Variants in GPATCH2L observed in about 807,000 individuals in gnomAD.
The protein encoded by GPATCH2L is G patch domain-containing protein 2-like.
A neutral mutation model predicts 57.4 loss-of-function variants in GPATCH2L; 31 were observed. That is an observed-to-expected ratio of 0.54 (90% CI 0.41 to 0.73). The LOEUF is 0.73. GPATCH2L is among the 30% of genes least tolerant of loss of function. GPATCH2L has a pLI of 0.00. For missense variants in GPATCH2L, 481 were observed against 599.9 expected (o/e 0.80, Z 2.07); for synonymous variants, 199 against 210.7 (o/e 0.94, Z 0.48).
intron 2 of GPATCH2L, among the ~76,000 whole-genome samples, chr14:76,160,395 G>C (rs999569029): frequency 6.6e-6 from 1 of 152,112 alleles, no homozygotes; most frequent in Non-Finnish European, 1.5e-5. Context: ...GGAAATCTTG[G>C]CAATAGGCCA....
intron 8 of GPATCH2L, among the ~76,000 whole-genome samples, chr14:76,183,460 TTTATAGCAAAAAAA>T (rs1566800151): frequency 1.3e-5 from 2 of 152,204 alleles, no homozygotes; most frequent in African/African-American, 4.8e-5. Context: ...CTTACATTTA[TTTATAGCAAAAAAA>T]TTATAGCAAA....
chr14:76,189,103 A>G (rs1264342118), intron 8 of GPATCH2L, among the ~76,000 whole-genome samples: 5 of 151,960 alleles, frequency 3.3e-5, no homozygotes, highest in Non-Finnish European at 7.4e-5. Flanking sequence ...TTCAGTTACT[A>G]TAGCTCTGTA....
intron 2 of GPATCH2L, among the ~76,000 whole-genome samples, chr14:76,157,582 G>A (rs1010733443): frequency 3.3e-5 from 5 of 152,090 alleles, no homozygotes; most frequent in African/African-American, 1.2e-4. Context: ...TTTAGCAGTG[G>A]TATTGAGGGT....
chr14:76,186,102 G>C (rs2139750336), intron 8 of GPATCH2L, among the ~76,000 whole-genome samples: 1 of 152,244 alleles, frequency 6.6e-6, no homozygotes, highest in East Asian at 1.9e-4. Context: ...TGTAGTTACT[G>C]CCCTACCCCA....
At chr14:76,191,779 T>C (rs2139781137) in intron 8 of GPATCH2L, among the ~76,000 whole-genome samples, 1 of 152,266 alleles carries the variant, frequency 6.6e-6, no homozygotes, top group Non-Finnish European at 1.5e-5. Flanking sequence ...ATCATTTCTT[T>C]TTGTTAGAAG....
At chr14:76,175,584 C>G (rs757314391) in intron 5 of GPATCH2L, 2 of 152,134 alleles carry the variant, frequency 1.3e-5, no homozygotes, top group African/African-American at 2.4e-5. Context: ...CATCTTTTCC[C>G]TTGGCCCCCC....
intron 1 of GPATCH2L, among the ~76,000 whole-genome samples, chr14:76,221,276 G>T (rs2040513986): frequency 6.6e-6 from 1 of 152,008 alleles, no homozygotes; most frequent in Admixed American, 6.6e-5. Context: ...ATGCTCATCA[G>T]AATAAAATAA....
chr14:76,220,929 C>G (rs1177699999), intron 1 of GPATCH2L, among the ~76,000 whole-genome samples: 1 of 151,516 alleles, frequency 6.6e-6, no homozygotes, highest in Non-Finnish European at 1.5e-5. Context: ...ATAAAAAAGG[C>G]TAAAAGTCAG....
intron 3 of GPATCH2L, among the ~76,000 whole-genome samples, chr14:76,167,624 G>A (rs8005686): frequency 0.77 from 116,493 of 151,850 alleles, 45,685 homozygotes; most frequent in South Asian, 0.88. Flanking sequence ...TTCATGCCTC[G>A]AAGTTGTAGG....
chr14:76,231,055 A>G (rs1412814405), intron 2 of GPATCH2L, among the ~76,000 whole-genome samples: 1 of 152,206 alleles, frequency 6.6e-6, no homozygotes, highest in Non-Finnish European at 1.5e-5. Flanking sequence ...TGCAAGTCTC[A>G]ACTCATTGCT....
At chr14:76,183,279 T>C (rs1349606426) in intron 8 of GPATCH2L, among the ~76,000 whole-genome samples, 1 of 152,254 alleles carries the variant, frequency 6.6e-6, no homozygotes, top group African/African-American at 2.4e-5. Context: ...TGCTCAGCTC[T>C]AGGGTAATAT....
chr14:76,173,855 T>C, intron 5 of GPATCH2L: 1 of 528,220 alleles, frequency 1.9e-6, no homozygotes, highest in Non-Finnish European at 3.4e-6. Context: ...AAAAACACTG[T>C]CATTACAGTG....
intron 7 of GPATCH2L, chr14:76,179,564 C>T (rs2039476970): frequency 1.3e-5 from 2 of 152,142 alleles, no homozygotes; most frequent in Non-Finnish European, 2.9e-5. Flanking sequence ...ACTATTTGCC[C>T]AAAGTGATAC....
intron 5 of GPATCH2L, chr14:76,176,310 T>C (rs773640763): frequency 1.8e-5 from 4 of 226,864 alleles, no homozygotes; most frequent in Non-Finnish European, 2.5e-5. Flanking sequence ...AAAAGGATTT[T>C]TACTCCTATA....
chr14:76,214,533 T>C (rs965779309), downstream of GPATCH2L, among the ~76,000 whole-genome samples: 3 of 152,204 alleles, frequency 2.0e-5, no homozygotes, highest in Non-Finnish European at 1.5e-5. Flanking sequence ...ATTCAATGTC[T>C]GGTGAGAGCT....
At chr14:76,218,794 A>C (rs924050894), downstream of GPATCH2L, among the ~76,000 whole-genome samples, 14 of 152,170 alleles carry the variant, frequency 9.2e-5, no homozygotes, top group Non-Finnish European at 1.5e-4. Context: ...CAGTTCAAAA[A>C]TAGATCTAAA....
rs752767944 is a variant in GPATCH2L, at chr14:76,206,519, A to G, written c.*4668A>G. ...CAGATTTAGGGAATAAAAAATTTTTAAAGTACAGTGTTGAAGAATGGGGCA... is the reference window on the plus strand; with the variant it reads ...CAGATTTAGGGAATAAAAAATTTTTGAAGTACAGTGTTGAAGAATGGGGCA... On this transcript the variant is annotated 3_prime_UTR_variant, in exon 10 of 10. Coordinates refer to ENST00000261530, the MANE Select transcript of GPATCH2L (RefSeq NM_017926.4). 6.6e-6 allele frequency: 1 copy of G among 152,232 alleles called. No individual in the cohort carries two copies. The highest frequency in any genetic ancestry group is 2.1e-4 in the South Asian group (1 of 4,832). 9.4% of individuals were successfully genotyped at this position (152,232 alleles called of 1,614,324 possible).
chr14:76,225,829 A>G (rs1286270390), intron 1 of GPATCH2L, among the ~76,000 whole-genome samples: 1 of 152,232 alleles, frequency 6.6e-6, no homozygotes, highest in African/African-American at 2.4e-5. Flanking sequence ...ACAAAAGAGA[A>G]TATCTGAATG....
intron 2 of GPATCH2L, 98 bp downstream of exon 2, chr14:76,155,123 C>T: frequency 1.1e-6 from 1 of 935,864 alleles, no homozygotes; most frequent in Non-Finnish European, 1.6e-6. Context: ...TCAAACCAGC[C>T]ACTCTAGTAT....
Sources: gnomAD v4.1 joint callset for allele counts (sites outside exome capture counted in the v4.1 genomes callset) on GRCh38, gnomAD v4.1.1 for gene constraint, MANE v1.5 for transcripts, NCBI Gene and HGNC (gene_info 2026-07-23, HGNC 2026-07-21) for gene names.